The following RANBP2 variants were observed in gnomAD, a reference collection of about 807,000 sequenced individuals.
RANBP2 encodes E3 SUMO-protein ligase RanBP2.
In RANBP2, 57 loss-of-function variants were observed where a neutral mutation model predicts 303.6. That is an observed-to-expected ratio of 0.19 (90% CI 0.15 to 0.23). The LOEUF is 0.23. RANBP2 is among the 10% of genes least tolerant of loss of function. RANBP2 has a pLI of 1.00. For missense variants in RANBP2, 3,138 were observed against 3,780.8 expected (o/e 0.83, Z 4.46); for synonymous variants, 1,167 against 1,301.5 (o/e 0.90, Z 2.23).
the RANBP2 span, among the ~76,000 whole-genome samples, chr2:109,031,932 C>A: frequency 2.8e-5 from 4 of 143,564 alleles, no homozygotes; most frequent in Non-Finnish European, 4.5e-5. Context: ...CATCCGTTCA[C>A]TCTCTTTGAC....
the RANBP2 span, among the ~76,000 whole-genome samples, chr2:109,344,905 A>G: frequency 6.6e-6 from 1 of 152,154 alleles, no homozygotes; most frequent in African/African-American, 2.4e-5. Context: ...AAGTCCCATG[A>G]TCAGAGGGGA....
the RANBP2 span, among the ~76,000 whole-genome samples, chr2:109,431,424 T>C: frequency 6.6e-6 from 1 of 152,188 alleles, no homozygotes; most frequent in East Asian, 1.9e-4. Flanking sequence ...ATCCCAAAAG[T>C]AGCAGAGCAC....
the RANBP2 span, among the ~76,000 whole-genome samples, chr2:108,868,905 G>T: frequency 1.3e-5 from 2 of 151,710 alleles, no homozygotes; most frequent in African/African-American, 4.9e-5. Flanking sequence ...TTTTGTGAAA[G>T]AAAAAAATGA....
chr2:109,253,099 G>C, the RANBP2 span, among the ~76,000 whole-genome samples: 9,981 of 151,936 alleles, frequency 0.066, 897 homozygotes, highest in African/African-American at 0.2. Flanking sequence ...GCGATCTCAG[G>C]TCACTGCAAC....
the RANBP2 span, among the ~76,000 whole-genome samples, chr2:109,051,894 G>A: frequency 5.3e-3 from 803 of 151,908 alleles, 8 homozygotes; most frequent in African/African-American, 0.019. Context: ...GACTACAGGC[G>A]CCCACCACCA....
At chr2:109,482,576 G>A in the RANBP2 span, among the ~76,000 whole-genome samples, 1 of 152,164 alleles carries the variant, frequency 6.6e-6, no homozygotes, top group Admixed American at 6.5e-5. Context: ...CGCCCAGCCC[G>A]GGGCCATGAC....
chr2:109,171,678 C>T, the RANBP2 span, among the ~76,000 whole-genome samples: 1 of 152,232 alleles, frequency 6.6e-6, no homozygotes, highest in African/African-American at 2.4e-5. Flanking sequence ...TAGTCTGGGC[C>T]TTTGGGAGTT....
chr2:109,727,914 C>T, the RANBP2 span, among the ~76,000 whole-genome samples: 1 of 152,142 alleles, frequency 6.6e-6, no homozygotes, highest in South Asian at 2.1e-4. Context: ...CTCCCTAGAA[C>T]CTTGCCACTT....
At chr2:108,810,994 GTC>G in the RANBP2 span, among the ~76,000 whole-genome samples, 1 of 152,096 alleles carries the variant, frequency 6.6e-6, no homozygotes, top group Admixed American at 6.5e-5. Flanking sequence ...GATCTCTGTA[GTC>G]TCTAGTGATC....
the RANBP2 span, among the ~76,000 whole-genome samples, chr2:109,050,774 G>A: frequency 6.6e-6 from 1 of 151,430 alleles, no homozygotes; most frequent in Admixed American, 6.6e-5. Flanking sequence ...TTATTTAGAT[G>A]TTCTTAAATG....
chr2:109,634,277 C>G, the RANBP2 span, among the ~76,000 whole-genome samples: 1 of 151,348 alleles, frequency 6.6e-6, no homozygotes, highest in African/African-American at 2.4e-5. Context: ...AATAAATAAA[C>G]AGAAACCAAT....
At chr2:109,286,197 G>A in the RANBP2 span, among the ~76,000 whole-genome samples, 1 of 152,208 alleles carries the variant, frequency 6.6e-6, no homozygotes, top group Non-Finnish European at 1.5e-5. Flanking sequence ...AGTTCTTAAA[G>A]TAAGGGCCTG....
At chr2:109,261,072 G>A in the RANBP2 span, among the ~76,000 whole-genome samples, 5 of 152,172 alleles carry the variant, frequency 3.3e-5, no homozygotes, top group Non-Finnish European at 7.4e-5. Context: ...GGCCTGAAGT[G>A]TCTTACACGG....
At chr2:109,237,234 G>A in the RANBP2 span, among the ~76,000 whole-genome samples, 1 of 152,270 alleles carries the variant, frequency 6.6e-6, no homozygotes, top group Admixed American at 6.5e-5. Flanking sequence ...AGCAAAGAAT[G>A]TATAGAAATA....
the RANBP2 span, chr2:109,348,032 CCAGA>C: frequency 1.3e-6 from 2 of 1,483,272 alleles, no homozygotes; most frequent in African/African-American, 1.4e-5. Context: ...AGACCTATAG[CCAGA>C]CAGTCTTTCT....
the RANBP2 span, among the ~76,000 whole-genome samples, chr2:108,890,851 A>G: frequency 6.6e-6 from 1 of 152,100 alleles, no homozygotes; most frequent in Admixed American, 6.6e-5. Context: ...GGCTTTACTC[A>G]TTCTGTTTTA....
At chr2:108,720,395 T>C (rs1694142634) in intron 1 of RANBP2, among the ~76,000 whole-genome samples, 1 of 151,942 alleles carries the variant, frequency 6.6e-6, no homozygotes, top group South Asian at 2.1e-4. Context: ...AAATCGTTAG[T>C]ATGGCTTGCA....
chr2:109,403,689 C>T, the RANBP2 span, among the ~76,000 whole-genome samples: 1 of 152,200 alleles, frequency 6.6e-6, no homozygotes, highest in East Asian at 1.9e-4. Flanking sequence ...GGTGGAGGTG[C>T]AGGCTCCCTC....
the RANBP2 span, among the ~76,000 whole-genome samples, chr2:109,314,672 A>G: frequency 6.6e-6 from 1 of 152,250 alleles, no homozygotes. Context: ...CTTTACATGC[A>G]TAAGGCAAAC....
Sources: gnomAD v4.1 joint callset for allele counts (sites outside exome capture counted in the v4.1 genomes callset) on GRCh38, gnomAD v4.1.1 for gene constraint, MANE v1.5 for transcripts, NCBI Gene and HGNC (gene_info 2026-07-23, HGNC 2026-07-21) for gene names.